Variants in FGD6 observed in about 807,000 individuals in gnomAD.
The protein encoded by FGD6 is FYVE, RhoGEF and PH domain-containing protein 6.
In FGD6, 90 loss-of-function variants were observed where a neutral mutation model predicts 149.4. That is an observed-to-expected ratio of 0.60 (90% confidence interval 0.51 to 0.72). The LOEUF (loss-of-function observed/expected upper bound fraction) is 0.72. Among genes scored for constraint, FGD6 ranks in the 30% least tolerant of loss-of-function variants. The pLI is 0.00. For missense variants in FGD6, 1,437 were observed against 1,684.8 expected (o/e 0.85, Z 2.57); for synonymous variants, 527 against 584.0 (o/e 0.90, Z 1.41).
intron 8 of FGD6, among the ~76,000 whole-genome samples, chr12:95,118,630 G>A (rs112420023): frequency 6.6e-6 from 1 of 152,216 alleles, no homozygotes; most frequent in Admixed American, 6.5e-5. Flanking sequence ...GCAAAGCACA[G>A]AGGAAATGAG....
intron 2 of FGD6, among the ~76,000 whole-genome samples, chr12:95,191,386 T>C (rs1010339152): frequency 4.6e-5 from 7 of 152,344 alleles, no homozygotes; most frequent in Middle Eastern, 3.4e-3. Flanking sequence ...ACCAGTGTAA[T>C]TGCTTTCCAA....
chr12:95,176,106 T>C (rs1881125748), intron 2 of FGD6, among the ~76,000 whole-genome samples: 1 of 152,196 alleles, frequency 6.6e-6, no homozygotes, highest in Non-Finnish European at 1.5e-5. Context: ...TCTATTTTTA[T>C]TTTTTTGAAA....
Position 95,082,984 on chromosome 12 carries a change from T to TTAAAAAAAAAAA in FGD6, c.4257-1429_4257-1428insTTTTTTTTTTTA, listed in dbSNP as rs1386719189. Among the ~76,000 whole-genome samples the TTAAAAAAAAAAA allele has an allele frequency of 7.4e-4, 23 of 31,132 alleles. 2 individuals are homozygous for TTAAAAAAAAAAA. Among genetic ancestry groups the TTAAAAAAAAAAA allele is most frequent in the Admixed American group, 2.6e-3 (4 of 1,566 alleles). 20.4% of individuals were successfully genotyped at this position (31,132 alleles called of 152,430 possible). On this transcript the variant is annotated intron_variant, in intron 20 of 20. Transcript: ENST00000343958. The stretch of plus-strand genomic sequence containing the variant: ...CAACATTGCTAGACTCTGTCTCCAT[T>TTAAAAAAAAAAA]AAAAAAAAAAAAAAAAAAAAAAAAA...
At chr12:95,160,557 A>G (rs1880609087) in intron 3 of FGD6, among the ~76,000 whole-genome samples, 1 of 152,010 alleles carries the variant, frequency 6.6e-6, no homozygotes, top group Non-Finnish European at 1.5e-5. Flanking sequence ...TGATGGCCCA[A>G]CCCCCATGCC....
intron 3 of FGD6, among the ~76,000 whole-genome samples, chr12:95,165,917 G>A (rs1214121225): frequency 6.6e-6 from 1 of 150,782 alleles, no homozygotes; most frequent in Non-Finnish European, 1.5e-5. Context: ...AAAGTCCTGA[G>A]ATTACAGGTG....
chr12:95,212,029 T>C (rs1313553535), intron 1 of FGD6, among the ~76,000 whole-genome samples: 2 of 152,050 alleles, frequency 1.3e-5, no homozygotes, highest in East Asian at 3.9e-4. Flanking sequence ...AAAACAATAT[T>C]AAAAAAGGAA....
At position 95,211,248 on chromosome 12, in the gene FGD6, C is replaced by A. The variant is rs200007725; in HGVS notation, c.36G>T (p.Val12=). 2 of 1,581,958 alleles carry A rather than the reference C, an allele frequency of 1.3e-6. No homozygotes were observed. The highest frequency in any genetic ancestry group is 1.7e-6 in the Non-Finnish European group (2 of 1,170,038). The change falls in exon 2 of 21, where the codon GTG becomes GTT. Residue 12 remains valine (V), a synonymous_variant. Coordinates refer to ENST00000343958, the MANE Select transcript of FGD6 (RefSeq NM_018351.4). ...TSAAEIKKPP[V]APKPKFVVAN... ...CCACAACAAACTTGGGCTTGGGGGC[C>A]ACTGGTGGCTTCTTTATCTCTAGAA...
At chr12:95,097,148 C>T (rs1565894736) in intron 14 of FGD6, among the ~76,000 whole-genome samples, 1 of 152,236 alleles carries the variant, frequency 6.6e-6, no homozygotes, top group Non-Finnish European at 1.5e-5. Context: ...AGACCACACA[C>T]ATTTGCCCGC....
chr12:95,195,585 T>C (rs1163242988), intron 2 of FGD6, among the ~76,000 whole-genome samples: 1 of 150,618 alleles, frequency 6.6e-6, no homozygotes, highest in Non-Finnish European at 1.5e-5. Context: ...TGTGGGTAGA[T>C]TTTAATTTAA....
intron 9 of FGD6, among the ~76,000 whole-genome samples, chr12:95,109,829 T>G (rs1251223489): frequency 2.6e-5 from 4 of 152,178 alleles, no homozygotes; most frequent in Admixed American, 2.6e-4. Flanking sequence ...ACCACTGCAT[T>G]CCAGCCTAGG....
chr12:95,156,105 ATTGT>A (rs1355748656), intron 3 of FGD6, among the ~76,000 whole-genome samples: 33 of 152,262 alleles, frequency 2.2e-4, no homozygotes, highest in African/African-American at 7.0e-4. Flanking sequence ...AACTGCACAA[ATTGT>A]TTGTAGAGCA....
chr12:95,197,942 C>T (rs766572664), intron 2 of FGD6, among the ~76,000 whole-genome samples: 6 of 152,168 alleles, frequency 3.9e-5, no homozygotes, highest in Non-Finnish European at 7.3e-5. Flanking sequence ...TATTACCTAA[C>T]CACAAGAGCT....
chr12:95,109,993 CT>C (rs35721924), intron 9 of FGD6, among the ~76,000 whole-genome samples: 94,694 of 150,224 alleles, frequency 0.63, 29,963 homozygotes, highest in East Asian at 0.68. Context: ...CTTCTGTATT[CT>C]TTTTTTTTTT....
intron 8 of FGD6, among the ~76,000 whole-genome samples, chr12:95,130,802 C>G (rs891018310): frequency 2.0e-5 from 3 of 151,782 alleles, no homozygotes; most frequent in African/African-American, 7.3e-5. Context: ...AAAGAGTAAT[C>G]AGAACATCAC....
rs1878435312 is a variant in FGD6, at chr12:95,101,642, G to A, written c.3497+3365C>T. Among the ~76,000 whole-genome samples the A allele has an allele frequency of 2.6e-5, 4 of 151,390 alleles. No homozygotes were observed. The South Asian group carries it at 6.2e-4, about 24-fold the overall frequency. On this transcript the variant is annotated intron_variant, in intron 14 of 20. Transcript: ENST00000343958. Reference sequence around the variant, plus strand: ...AAGAACCAAGCTCAAGCACTCACTGGGAACATGATATACATGGTCTTAATG... The same window carrying A: ...AAGAACCAAGCTCAAGCACTCACTGAGAACATGATATACATGGTCTTAATG...
intron 2 of FGD6, among the ~76,000 whole-genome samples, chr12:95,183,535 G>A (rs776454280): frequency 1.3e-5 from 2 of 152,288 alleles, no homozygotes; most frequent in Non-Finnish European, 1.5e-5. Flanking sequence ...CCTCACTAAC[G>A]GGGTGAAGAG....
intron 2 of FGD6, among the ~76,000 whole-genome samples, chr12:95,173,668 C>T (rs1436512356): frequency 6.6e-6 from 1 of 152,112 alleles, no homozygotes; most frequent in African/African-American, 2.4e-5. Flanking sequence ...AGCCAATTGC[C>T]TGTAGCAACT....
chr12:95,167,806 C>G (rs1306906083), intron 3 of FGD6, among the ~76,000 whole-genome samples: 1 of 152,036 alleles, frequency 6.6e-6, no homozygotes, highest in Non-Finnish European at 1.5e-5. Flanking sequence ...AACTCCTGAC[C>G]TCAAGTGATC....
At chr12:95,113,574 A>G (rs1358517678) in intron 9 of FGD6, 77 bp downstream of exon 9, 11 of 1,119,218 alleles carry the variant, frequency 9.8e-6, no homozygotes, top group Non-Finnish European at 1.5e-5. Flanking sequence ...GGATTTTGTT[A>G]TCAATATATT....
Sources: gnomAD v4.1 joint callset for allele counts (sites outside exome capture counted in the v4.1 genomes callset) on GRCh38, gnomAD v4.1.1 for gene constraint, MANE v1.5 for transcripts, NCBI Gene and HGNC (gene_info 2026-07-23, HGNC 2026-07-21) for gene names.